The following PAK5 variants were observed in gnomAD, a reference collection of about 807,000 sequenced individuals.
The protein encoded by PAK5 is serine/threonine-protein kinase PAK 5.
PAK5 carries 16 observed loss-of-function variants against 65.9 expected under a neutral mutation model. The ratio of observed to expected loss-of-function variants is 0.24; its 90% CI spans 0.16 to 0.37. The LOEUF is 0.37. Ranked by LOEUF, PAK5 falls within the 10% of genes least tolerant of loss-of-function variation. The pLI is 1.00. For missense variants in PAK5, 785 were observed against 903.9 expected (o/e 0.87, Z 1.69); for synonymous variants, 371 against 354.9 (o/e 1.05, Z -0.51).
At chr20:9,705,796 T>C (rs1200880940) in intron 2 of PAK5, among the ~76,000 whole-genome samples, 1 of 152,138 alleles carries the variant, frequency 6.6e-6, no homozygotes, top group Admixed American at 6.6e-5. Context: ...AATATCAATC[T>C]ATAAAAGAAC....
chr20:9,582,037 T>C (rs189857271), intron 3 of PAK5, among the ~76,000 whole-genome samples: 557 of 152,334 alleles, frequency 3.7e-3, no homozygotes, highest in Non-Finnish European at 6.4e-3. Context: ...AGTCCTGGAC[T>C]AATAGTTTTG....
intron 1 of PAK5, among the ~76,000 whole-genome samples, chr20:9,813,621 G>C (rs554902364): frequency 6.6e-6 from 1 of 152,064 alleles, no homozygotes; most frequent in African/African-American, 2.4e-5. Flanking sequence ...AAAAAACTGT[G>C]GTGTATTCAT....
At chr20:9,609,621 A>T (rs1416909993) in intron 3 of PAK5, among the ~76,000 whole-genome samples, 2 of 152,200 alleles carry the variant, frequency 1.3e-5, no homozygotes, top group African/African-American at 4.8e-5. Context: ...GGTCAAAGCC[A>T]TCAGAGGCAG....
chr20:9,802,908 G>GTATATATATATATATATA, intron 1 of PAK5, among the ~76,000 whole-genome samples: 1 of 1,936 alleles, frequency 5.2e-4, no homozygotes, highest in African/African-American at 2.4e-3. Context: ...GTATATGTAT[G>GTATATATATATATATATA]TGTATATATA....
At chr20:9,708,930 C>T (rs6141013) in intron 2 of PAK5, among the ~76,000 whole-genome samples, 105,765 of 151,582 alleles carry the variant, frequency 0.7, 37,069 homozygotes, top group East Asian at 0.84. Flanking sequence ...GTCTTCCTTC[C>T]TTCCTCTGCT....
intron 1 of PAK5, among the ~76,000 whole-genome samples, chr20:9,764,314 C>T (rs1458284765): frequency 1.3e-5 from 2 of 152,144 alleles, no homozygotes; most frequent in Non-Finnish European, 2.9e-5. Context: ...GGTAGGCATA[C>T]TGTGTAGATA....
At chr20:9,805,128 C>T (rs754746996) in intron 1 of PAK5, among the ~76,000 whole-genome samples, 5 of 152,122 alleles carry the variant, frequency 3.3e-5, no homozygotes, top group African/African-American at 9.6e-5. Flanking sequence ...AAAGATGTTT[C>T]GCATCATTAG....
intron 2 of PAK5, among the ~76,000 whole-genome samples, chr20:9,663,274 T>C (rs376332058): frequency 2.0e-5 from 3 of 152,190 alleles, no homozygotes. Context: ...AATCCCACTA[T>C]GTGACTGGCC....
At chr20:9,782,924 C>CTTTTTTTTTT (rs113360688) in intron 1 of PAK5, among the ~76,000 whole-genome samples, 1 of 143,430 alleles carries the variant, frequency 7.0e-6, no homozygotes, top group Non-Finnish European at 1.5e-5. Context: ...CTCTTTCTTT[C>CTTTTTTTTTT]TTTTTTTTTT....
chr20:9,648,580 C>T (rs1276753772), intron 2 of PAK5, among the ~76,000 whole-genome samples: 1 of 151,966 alleles, frequency 6.6e-6, no homozygotes, highest in Non-Finnish European at 1.5e-5. Flanking sequence ...CAAGGGCCAA[C>T]CTTGCAAATA....
In PAK5 at chr20:9,539,345, C is replaced by G; in HGVS notation, c.*117G>C. 1.1e-6 allele frequency: 1 copy of G among 952,358 alleles called. No homozygotes were observed. Among genetic ancestry groups the G allele is most frequent in the Non-Finnish European group, 1.6e-6 (1 of 613,390 alleles). 59.0% of individuals were successfully genotyped at this position (952,358 alleles called of 1,614,324 possible). On this transcript the variant is annotated 3_prime_UTR_variant, in exon 10 of 10. Coordinates refer to ENST00000353224, the MANE Select transcript of PAK5 (RefSeq NM_177990.4). ...TGAACCCTGCCGGTCATCACGCTGT[C>G]CCACCAATTGGCTGGTCTAGAATGC...
At chr20:9,603,235 A>G (rs1488888877) in intron 3 of PAK5, among the ~76,000 whole-genome samples, 2 of 152,212 alleles carry the variant, frequency 1.3e-5, no homozygotes. Context: ...AAGTAATGCA[A>G]GCACTTTTGG....
chr20:9,595,309 T>C (rs926121669), intron 3 of PAK5, among the ~76,000 whole-genome samples: 8 of 152,170 alleles, frequency 5.3e-5, no homozygotes, highest in Non-Finnish European at 1.0e-4. Context: ...TGTGACTGAA[T>C]GATGGAGCGT....
rs6141029 is a variant in PAK5 at position 9,759,137 on chromosome 20, C to T, written c.-161-47702G>A. ...ATAAGGAAGATTTCACTTAACACTACGTCCTACAAGATAACAAATCCAGGA... is the reference window on the plus strand; with the variant it reads ...ATAAGGAAGATTTCACTTAACACTATGTCCTACAAGATAACAAATCCAGGA... On this transcript the variant is annotated intron_variant, in intron 1 of 9. Transcript: ENST00000353224. Among the ~76,000 whole-genome samples, 136 of 152,198 alleles carry T rather than the reference C, an allele frequency of 8.9e-4. 5 individuals carry two copies. In the East Asian group the frequency reaches 0.024, roughly 27 times the overall value.
At chr20:9,552,722 T>G (rs1309206059) in intron 7 of PAK5, among the ~76,000 whole-genome samples, 2 of 64,192 alleles carry the variant, frequency 3.1e-5, no homozygotes, top group African/African-American at 1.5e-4. Context: ...TAAAATTTTT[T>G]AGTTTTTTTT....
chr20:9,542,867 C>T (rs2045289200), intron 8 of PAK5, 147 bp from the exon 9 acceptor site: 1 of 733,184 alleles, frequency 1.4e-6, no homozygotes, highest in Non-Finnish European at 2.2e-6. Context: ...GGCTAAACTG[C>T]TGGGTTACCG....
At chr20:9,633,450 A>G (rs563553937) in intron 3 of PAK5, among the ~76,000 whole-genome samples, 2 of 152,330 alleles carry the variant, frequency 1.3e-5, no homozygotes, top group South Asian at 4.1e-4. Flanking sequence ...AATCATACTT[A>G]GTCAAGACTT....
intron 2 of PAK5, among the ~76,000 whole-genome samples, chr20:9,693,204 T>C (rs1409317911): frequency 6.6e-6 from 1 of 152,154 alleles, no homozygotes; most frequent in African/African-American, 2.4e-5. Context: ...GATATTCCTC[T>C]TTCAGAAAGG....
chr20:9,721,222 G>T (rs530379790), intron 1 of PAK5, among the ~76,000 whole-genome samples: 3 of 152,204 alleles, frequency 2.0e-5, no homozygotes, highest in Non-Finnish European at 4.4e-5. Flanking sequence ...TGGATATAAA[G>T]GGTTTCCCAC....
Sources: gnomAD v4.1 joint callset for allele counts (sites outside exome capture counted in the v4.1 genomes callset) on GRCh38, gnomAD v4.1.1 for gene constraint, MANE v1.5 for transcripts, NCBI Gene and HGNC (gene_info 2026-07-23, HGNC 2026-07-21) for gene names.